The following SPAG16 variants were observed in gnomAD, a reference collection of about 807,000 sequenced individuals.
SPAG16 encodes sperm associated antigen 16, also known as sperm-associated antigen 16 protein.
A neutral mutation model predicts 80.4 loss-of-function variants in SPAG16; 86 were observed. That is an observed-to-expected ratio of 1.07 (90% confidence interval 0.90 to 1.28). The LOEUF is 1.28. Among genes scored for constraint, SPAG16 ranks in the 50% most tolerant of loss-of-function variants. The probability of loss-of-function intolerance (pLI) is 0.00; values close to 1 mark genes in which losing one functional copy is unlikely to be tolerated. For missense variants in SPAG16, 870 were observed against 765.3 expected (o/e 1.14, Z -1.61); for synonymous variants, 294 against 265.9 (o/e 1.11, Z -1.03).
In SPAG16 at chr2:213,850,688, G is replaced by GT. The variant is rs79222896; in HGVS notation, c.1071-11786dup. 5.9e-3 allele frequency among the ~76,000 whole-genome samples: 874 copies of GT among 148,428 alleles called. 6 individuals are homozygous for GT. The highest frequency in any genetic ancestry group is 0.024 in the East Asian group (124 of 5,066). The stretch of plus-strand genomic sequence containing the variant: ...ACTCACCTTCGAGAAGAGAAATTCT[G>GT]TTTTTTTTTTTATGATTTTCTTCTG... On this transcript the variant is annotated intron_variant, in intron 10 of 15. Coordinates refer to ENST00000331683, the MANE Select transcript of SPAG16 (RefSeq NM_024532.5).
intron 10 of SPAG16, among the ~76,000 whole-genome samples, chr2:213,690,517 T>C (rs541679721): frequency 2.6e-5 from 4 of 152,344 alleles, no homozygotes; most frequent in African/African-American, 9.6e-5. Context: ...GATGCCTAGA[T>C]GGCTGATGAA....
At chr2:213,913,619 AT>A (rs2077799498) in intron 11 of SPAG16, among the ~76,000 whole-genome samples, 1 of 9,914 alleles carries the variant, frequency 1.0e-4, no homozygotes, top group Non-Finnish European at 4.8e-4. Flanking sequence ...ACATATATGT[AT>A]ATGTACATGT....
intron 10 of SPAG16, among the ~76,000 whole-genome samples, chr2:213,559,734 A>T (rs2059543349): frequency 6.6e-6 from 1 of 152,096 alleles, no homozygotes; most frequent in Non-Finnish European, 1.5e-5. Context: ...GTAATAGTTT[A>T]AGGTTTCATA....
At chr2:213,703,314 T>G (rs1460029207) in intron 10 of SPAG16, among the ~76,000 whole-genome samples, 1 of 152,220 alleles carries the variant, frequency 6.6e-6, no homozygotes, top group East Asian at 1.9e-4. Flanking sequence ...GGCTGTCCTG[T>G]TCTCCAGCAT....
chr2:213,813,333 G>C (rs1202773750), intron 10 of SPAG16, among the ~76,000 whole-genome samples: 1 of 152,174 alleles, frequency 6.6e-6, no homozygotes, highest in Non-Finnish European at 1.5e-5. Context: ...ATGTAGGCTA[G>C]TGTAGCAGAA....
intron 11 of SPAG16, among the ~76,000 whole-genome samples, chr2:213,888,410 A>T (rs1009489334): frequency 6.6e-5 from 10 of 151,964 alleles, no homozygotes; most frequent in South Asian, 2.1e-4. Flanking sequence ...AAAAAACTTA[A>T]ATTAGACCAC....
At chr2:213,514,550 C>T (rs2125825697) in intron 10 of SPAG16, among the ~76,000 whole-genome samples, 1 of 151,838 alleles carries the variant, frequency 6.6e-6, no homozygotes, top group East Asian at 1.9e-4. Flanking sequence ...ATGTGCCATG[C>T]TGGTGCGCTG....
At chr2:213,336,069 C>T (rs73987980) in intron 5 of SPAG16, among the ~76,000 whole-genome samples, 11,284 of 152,114 alleles carry the variant, frequency 0.074, 1,382 homozygotes, top group African/African-American at 0.25. Context: ...GCATCGAGGG[C>T]CCACCCAAGA....
chr2:213,536,438 CCCA>C (rs1159233615), intron 10 of SPAG16, among the ~76,000 whole-genome samples: 1 of 152,148 alleles, frequency 6.6e-6, no homozygotes, highest in East Asian at 1.9e-4. Flanking sequence ...AGTTTACTGT[CCCA>C]CCAACAGTGT....
intron 15 of SPAG16, among the ~76,000 whole-genome samples, chr2:214,353,665 C>A (rs1698573262): frequency 6.6e-6 from 1 of 152,100 alleles, no homozygotes; most frequent in African/African-American, 2.4e-5. Flanking sequence ...GATGCCATTG[C>A]ATAAAGATAT....
At chr2:213,384,064 A>G (rs1274705713) in intron 9 of SPAG16, among the ~76,000 whole-genome samples, 1 of 152,164 alleles carries the variant, frequency 6.6e-6, no homozygotes, top group Non-Finnish European at 1.5e-5. Context: ...TACTTGGTTG[A>G]GTTTGCAGTA....
chr2:213,656,866 A>G (rs115044511), intron 10 of SPAG16, among the ~76,000 whole-genome samples: 1,968 of 152,324 alleles, frequency 0.013, 18 homozygotes, highest in South Asian at 0.036. Flanking sequence ...TTCATGGAGA[A>G]TCTCTGAAGT....
chr2:213,384,603 A>G (rs1411185751), intron 9 of SPAG16, among the ~76,000 whole-genome samples: 1 of 152,180 alleles, frequency 6.6e-6, no homozygotes, highest in South Asian at 2.1e-4. Context: ...CCTCTGGGGA[A>G]GGAATGGAGG....
At chr2:213,612,920 G>A (rs140047183) in intron 10 of SPAG16, among the ~76,000 whole-genome samples, 9,060 of 152,138 alleles carry the variant, frequency 0.06, 890 homozygotes, top group African/African-American at 0.2. Flanking sequence ...CAATCCGCTC[G>A]CCTTGACCTC....
At chr2:213,820,354 CT>C (rs144011272) in intron 10 of SPAG16, among the ~76,000 whole-genome samples, 1 of 151,588 alleles carries the variant, frequency 6.6e-6, no homozygotes, top group African/African-American at 2.4e-5. Context: ...TTTTGGTAAC[CT>C]TTTTTTTGTG....
intron 9 of SPAG16, among the ~76,000 whole-genome samples, chr2:213,392,918 T>C (rs1199479195): frequency 1.3e-5 from 2 of 152,062 alleles, no homozygotes; most frequent in African/African-American, 2.4e-5. Context: ...TGAGGAAATA[T>C]ATTTACCAAA....
intron 10 of SPAG16, among the ~76,000 whole-genome samples, chr2:213,648,145 T>A (rs1474409777): frequency 6.6e-6 from 1 of 152,224 alleles, no homozygotes; most frequent in East Asian, 1.9e-4. Context: ...GACGTAACCA[T>A]TTTTTATATT....
chr2:213,315,198 G>C (rs1254787907), intron 4 of SPAG16, among the ~76,000 whole-genome samples: 1 of 151,524 alleles, frequency 6.6e-6, no homozygotes, highest in African/African-American at 2.4e-5. Flanking sequence ...CCATACACAG[G>C]GATTAAAATT....
At chr2:213,790,947 C>G (rs773308339) in intron 10 of SPAG16, among the ~76,000 whole-genome samples, 12 of 152,082 alleles carry the variant, frequency 7.9e-5, no homozygotes, top group Non-Finnish European at 1.3e-4. Context: ...CTATTCTCTA[C>G]TCAGCTAAAT....
Sources: gnomAD v4.1 joint callset for allele counts (sites outside exome capture counted in the v4.1 genomes callset) on GRCh38, gnomAD v4.1.1 for gene constraint, MANE v1.5 for transcripts, NCBI Gene and HGNC (gene_info 2026-07-23, HGNC 2026-07-21) for gene names.